The following PRKCA variants were observed in gnomAD, a reference collection of about 807,000 sequenced individuals.
The protein encoded by PRKCA is protein kinase C alpha type.
A neutral mutation model predicts 87.0 loss-of-function variants in PRKCA; 27 were observed. That is an observed-to-expected ratio of 0.31 (90% confidence interval 0.23 to 0.43). PRKCA has a LOEUF of 0.43. Among genes scored for constraint, PRKCA ranks in the 20% least tolerant of loss-of-function variants. The pLI is 1.00. For synonymous variants in PRKCA, 329 were observed against 311.1 expected (o/e 1.06, Z -0.61); for missense variants, 518 against 852.3 (o/e 0.61, Z 4.88).
intron 2 of PRKCA, among the ~76,000 whole-genome samples, chr17:66,438,668 C>T (rs1038509748): frequency 3.3e-5 from 5 of 152,106 alleles, no homozygotes; most frequent in Admixed American, 2.0e-4. Flanking sequence ...TTAATTGATT[C>T]ATGGTTCTGC....
intron 2 of PRKCA, among the ~76,000 whole-genome samples, chr17:66,464,182 T>G (rs895057137): frequency 6.6e-6 from 1 of 152,164 alleles, no homozygotes; most frequent in Non-Finnish European, 1.5e-5. Context: ...CATTTATGTT[T>G]TTTCTATGTC....
chr17:66,454,281 C>T (rs1914477615), intron 2 of PRKCA, among the ~76,000 whole-genome samples: 1 of 152,220 alleles, frequency 6.6e-6, no homozygotes, highest in Admixed American at 6.5e-5. Flanking sequence ...TTGGGGTTGA[C>T]AGTCCCAGGG....
At chr17:66,802,135 C>T (rs899763180) in intron 16 of PRKCA, among the ~76,000 whole-genome samples, 7 of 151,982 alleles carry the variant, frequency 4.6e-5, no homozygotes, top group Admixed American at 2.0e-4. Flanking sequence ...GTGGGAGGAA[C>T]GGTTGAGCTC....
chr17:66,351,330 A>G (rs377305332), intron 2 of PRKCA, among the ~76,000 whole-genome samples: 1 of 152,232 alleles, frequency 6.6e-6, no homozygotes, highest in East Asian at 1.9e-4. Context: ...ACTCCAGCCC[A>G]GTTTTGGTGC....
chr17:66,659,329 G>A (rs990700742), intron 5 of PRKCA, among the ~76,000 whole-genome samples: 8 of 152,132 alleles, frequency 5.3e-5, no homozygotes, highest in Middle Eastern at 3.2e-3. Context: ...TATTTCACCA[G>A]AGTTACTCTG....
intron 3 of PRKCA, among the ~76,000 whole-genome samples, chr17:66,536,103 T>G (rs1312830149): frequency 6.6e-6 from 1 of 152,230 alleles, no homozygotes; most frequent in Non-Finnish European, 1.5e-5. Context: ...TATTTTTATT[T>G]TTTGGCACAT....
intron 9 of PRKCA, among the ~76,000 whole-genome samples, chr17:66,733,442 C>T (rs1425663793): frequency 6.6e-6 from 1 of 152,156 alleles, no homozygotes; most frequent in Non-Finnish European, 1.5e-5. Context: ...AATGGATGAA[C>T]ATATATGTAA....
intron 3 of PRKCA, among the ~76,000 whole-genome samples, chr17:66,524,475 G>T (rs1314579406): frequency 1.3e-5 from 2 of 152,190 alleles, no homozygotes; most frequent in East Asian, 3.9e-4. Context: ...GGTAGTCCCT[G>T]ACTTATAAAC....
intron 16 of PRKCA, among the ~76,000 whole-genome samples, chr17:66,797,159 G>T (rs1274780671): frequency 2.0e-5 from 3 of 152,186 alleles, no homozygotes; most frequent in Non-Finnish European, 4.4e-5. Context: ...GTAAGAATCA[G>T]CCACGAAGCC....
rs567226111 is a variant in PRKCA at position 66,458,637 on chromosome 17, C to T, written c.206-37564C>T. On this transcript the variant is annotated intron_variant, in intron 2 of 16. Coordinates refer to ENST00000413366, the MANE Select transcript of PRKCA (RefSeq NM_002737.3). ...CTGAGACTACAGGCATGCACCACCA[C>T]GCCCAGCTAATTTTTGTATTTTTAG... Among the ~76,000 whole-genome samples the T allele has an allele frequency of 1.4e-4, 22 of 152,154 alleles. No homozygotes were observed. In the East Asian group the frequency reaches 2.7e-3, roughly 19 times the overall value.
At chr17:66,761,538 C>T (rs192266019) in intron 13 of PRKCA, among the ~76,000 whole-genome samples, 1 of 151,604 alleles carries the variant, frequency 6.6e-6, no homozygotes, top group Non-Finnish European at 1.5e-5. Flanking sequence ...CTCACTGCAA[C>T]CTCTACCTCC....
intron 2 of PRKCA, among the ~76,000 whole-genome samples, chr17:66,350,648 A>C (rs907738221): frequency 5.3e-5 from 8 of 151,892 alleles, no homozygotes; most frequent in African/African-American, 1.9e-4. Context: ...TCAGCCTCCC[A>C]AGTAGCTGGG....
chr17:66,759,308 A>C (rs1476626910), intron 13 of PRKCA, among the ~76,000 whole-genome samples: 1 of 151,936 alleles, frequency 6.6e-6, no homozygotes, highest in African/African-American at 2.4e-5. Flanking sequence ...GTGAGCCAAG[A>C]TGGCGCCACT....
At chr17:66,718,249 G>A (rs28733563) in intron 8 of PRKCA, among the ~76,000 whole-genome samples, 45,483 of 152,094 alleles carry the variant, frequency 0.3, 7,237 homozygotes, top group East Asian at 0.56. Flanking sequence ...ATTCACAGAT[G>A]GCATCTTCTG....
At chr17:66,349,085 G>A (rs1338476061) in intron 2 of PRKCA, among the ~76,000 whole-genome samples, 1 of 152,204 alleles carries the variant, frequency 6.6e-6, no homozygotes, top group Non-Finnish European at 1.5e-5. Flanking sequence ...AATGTGAGCA[G>A]CTGAGTGTTC....
At chr17:66,476,892 CTG>C (rs1915557372) in intron 2 of PRKCA, among the ~76,000 whole-genome samples, 1 of 152,164 alleles carries the variant, frequency 6.6e-6, no homozygotes, top group East Asian at 1.9e-4. Context: ...AGAGTGGGTA[CTG>C]TGTCTCAGAG....
intron 5 of PRKCA, among the ~76,000 whole-genome samples, chr17:66,650,853 T>A (rs1322241931): frequency 6.6e-6 from 1 of 152,242 alleles, no homozygotes; most frequent in East Asian, 1.9e-4. Context: ...CTTTGTATGA[T>A]AATCGTTCAT....
At chr17:66,380,232 A>G (rs1218079558) in intron 2 of PRKCA, among the ~76,000 whole-genome samples, 1 of 151,206 alleles carries the variant, frequency 6.6e-6, no homozygotes, top group African/African-American at 2.4e-5. Flanking sequence ...TAAGTGTTGT[A>G]TTCAACCTTA....
chr17:66,469,097 G>A (rs138658773), intron 2 of PRKCA, among the ~76,000 whole-genome samples: 239 of 152,256 alleles, frequency 1.6e-3, no homozygotes, highest in African/African-American at 5.5e-3. Context: ...ATGCAAACGA[G>A]GCTCCATGGC....
Sources: gnomAD v4.1 joint callset for allele counts (sites outside exome capture counted in the v4.1 genomes callset) on GRCh38, gnomAD v4.1.1 for gene constraint, MANE v1.5 for transcripts, NCBI Gene and HGNC (gene_info 2026-07-23, HGNC 2026-07-21) for gene names.